AP1S3: variants seen among roughly 807,000 people sequenced by gnomAD.
AP1S3 encodes AP-1 complex subunit sigma-3.
AP1S3 carries 10 observed loss-of-function variants against 20.9 expected under a neutral mutation model. The observed-to-expected ratio is 0.48, with a 90% CI of 0.29 to 0.81. The LOEUF (loss-of-function observed/expected upper bound fraction) is 0.81. Ranked by LOEUF, AP1S3 falls within the 30% of genes least tolerant of loss-of-function variation. The pLI is 0.08. For synonymous variants in AP1S3, 41 were observed against 61.5 expected (o/e 0.67, Z 1.56); for missense variants, 154 against 183.8 (o/e 0.84, Z 0.94).
chr2:223,781,296 T>C (rs1690939383), intron 1 of AP1S3, among the ~76,000 whole-genome samples: 2 of 152,068 alleles, frequency 1.3e-5, no homozygotes, highest in African/African-American at 4.8e-5. Context: ...AATAATGATA[T>C]GAGGCCCAAG....
At chr2:223,778,436 T>G (rs1026918323) in intron 1 of AP1S3, among the ~76,000 whole-genome samples, 2 of 151,980 alleles carry the variant, frequency 1.3e-5, no homozygotes, top group African/African-American at 4.8e-5. Flanking sequence ...TTATTGTAAT[T>G]CTTTTTAAGT....
intron 1 of AP1S3, among the ~76,000 whole-genome samples, chr2:223,801,140 C>A (rs1034342159): frequency 6.6e-6 from 1 of 152,166 alleles, no homozygotes. Flanking sequence ...GTAGGGCATG[C>A]GTCAGACACC....
At chr2:223,828,058 TAAAAAAAAAAAAAAAA>T (rs527671959) in intron 1 of AP1S3, among the ~76,000 whole-genome samples, 13 of 94,666 alleles carry the variant, frequency 1.4e-4, no homozygotes, top group East Asian at 3.5e-4. Flanking sequence ...AGACTTCATC[TAAAAAAAAAAAAAAAA>T]AAAAAAAAAA....
Position 223,757,964 on chromosome 2 carries a change from C to T in AP1S3, c.*751G>A, listed in dbSNP as rs146155098. 5.6e-4 allele frequency: 544 copies of T among 963,726 alleles called. 1 individual carries two copies. The African/African-American group carries it at 8.8e-3, about 16-fold the overall frequency. The allele number at this position is 963,726 out of a possible 1,614,324, so 59.7% of individuals were successfully genotyped here. A position where few individuals can be genotyped will look rare whatever the true frequency, so the allele number is the denominator to read the frequency against. On this transcript the variant is annotated 3_prime_UTR_variant, in exon 5 of 5. Coordinates refer to ENST00000396654, the MANE Select transcript of AP1S3 (RefSeq NM_001039569.2). ...AGAATAATAAAGGAAGTCATAGATG[C>T]TGTATCTCTAGGTCTCTATAAACCT...
intron 4 of AP1S3, 138 bp downstream of exon 4, chr2:223,765,075 G>C (rs138301509): frequency 1.2e-4 from 144 of 1,247,602 alleles, no homozygotes; most frequent in Non-Finnish European, 1.4e-4. Context: ...GATTAAATAA[G>C]CTAATACATA....
In AP1S3 at chr2:223,758,287, T is replaced by A. The variant is rs1690272258; in HGVS notation, c.*428A>T. 2 of 975,860 alleles carry A rather than the reference T, an allele frequency of 2.0e-6. No homozygotes were observed. Among genetic ancestry groups the A allele is most frequent in the Admixed American group, 6.1e-5 (1 of 16,286 alleles). 60.5% of individuals were successfully genotyped at this position (975,860 alleles called of 1,614,324 possible). On this transcript the variant is annotated 3_prime_UTR_variant, in exon 5 of 5. Transcript: ENST00000396654. ...CATAATTTTGAATTATTATACAATT[T>A]AGAAAACTAAACATTTAGAAAAAGT...
intron 1 of AP1S3, among the ~76,000 whole-genome samples, chr2:223,784,823 A>C (rs12478673): frequency 0.05 from 7,628 of 152,178 alleles, 676 homozygotes; most frequent in East Asian, 0.44. Flanking sequence ...ACATAGGGAG[A>C]CTGCATCTCT....
chr2:223,818,690 T>C (rs1428352578), intron 1 of AP1S3, among the ~76,000 whole-genome samples: 1 of 152,048 alleles, frequency 6.6e-6, no homozygotes, highest in Admixed American at 6.5e-5. Context: ...CTAGCTGGGA[T>C]TACAGGCATG....
At chr2:223,827,465 C>T (rs554316706) in intron 1 of AP1S3, among the ~76,000 whole-genome samples, 29 of 152,236 alleles carry the variant, frequency 1.9e-4, no homozygotes, top group African/African-American at 7.0e-4. Context: ...TCACTGCAAC[C>T]TCCACCTCCT....
intron 1 of AP1S3, among the ~76,000 whole-genome samples, chr2:223,820,617 T>C (rs28378706): frequency 0.32 from 47,153 of 148,842 alleles, 7,935 homozygotes; most frequent in Middle Eastern, 0.42. Flanking sequence ...TATTACTTTA[T>C]TCATATTCTA....
rs778727644 is a variant in AP1S3 at position 223,837,435 on chromosome 2, C to T, written c.3+13G>A. 1 of 1,259,090 alleles carries T rather than the reference C, an allele frequency of 7.9e-7. No individual in the cohort carries two copies. Among genetic ancestry groups the T allele is most frequent in the Non-Finnish European group, 1.0e-6 (1 of 997,356 alleles). The allele number at this position is 1,259,090 out of a possible 1,614,324, so 78.0% of individuals were successfully genotyped here. On this transcript the variant is annotated intron_variant, in intron 1 of 4. Coordinates refer to ENST00000396654, the MANE Select transcript of AP1S3 (RefSeq NM_001039569.2). ...CCACCGCCTACCCGGGCCGGCGGTT[C>T]CCCCGCACTCACCATCGTGGCTGGG... is the stretch of plus-strand genomic sequence containing the variant.
chr2:223,801,319 A>G (rs189703642), intron 1 of AP1S3, among the ~76,000 whole-genome samples: 1 of 152,214 alleles, frequency 6.6e-6, no homozygotes, highest in Admixed American at 6.5e-5. Context: ...TTGATTCCAG[A>G]GCCCATTCTC....
At position 223,756,102 on chromosome 2, in the gene AP1S3, G is replaced by A; in HGVS notation, c.*2613C>T. 1.0e-6 allele frequency: 1 copy of A among 953,088 alleles called. No individual in the cohort carries two copies. The highest frequency in any genetic ancestry group is 1.2e-6 in the Non-Finnish European group (1 of 800,684). 59.0% of individuals were successfully genotyped at this position (953,088 alleles called of 1,614,324 possible). A position where few individuals can be genotyped will look rare whatever the true frequency, so the allele number is the denominator to read the frequency against. On this transcript the variant is annotated 3_prime_UTR_variant, in exon 5 of 5. Coordinates refer to ENST00000396654, the MANE Select transcript of AP1S3 (RefSeq NM_001039569.2). ...GCCTGTAATTCCAGCACTTTGGAAG[G>A]CCAAGGCGGGCGGATCACCTGAGGT...
chr2:223,785,847 T>G (rs921253697), intron 1 of AP1S3, among the ~76,000 whole-genome samples: 6 of 152,194 alleles, frequency 3.9e-5, no homozygotes, highest in African/African-American at 1.4e-4. Flanking sequence ...CATTATAAAT[T>G]TGTCCAAACT....
At chr2:223,811,796 T>A (rs1242282386) in intron 1 of AP1S3, among the ~76,000 whole-genome samples, 2 of 152,182 alleles carry the variant, frequency 1.3e-5, no homozygotes, top group East Asian at 3.8e-4. Flanking sequence ...TTAGGTATCC[T>A]ATAATTGTCT....
chr2:223,791,430 A>T (rs1229930848), intron 1 of AP1S3, among the ~76,000 whole-genome samples: 1 of 152,166 alleles, frequency 6.6e-6, no homozygotes, highest in African/African-American at 2.4e-5. Context: ...TGAAGACAAA[A>T]ACCACATGAT....
intron 1 of AP1S3, among the ~76,000 whole-genome samples, chr2:223,833,841 G>A (rs777409190): frequency 4.6e-5 from 7 of 152,140 alleles, no homozygotes; most frequent in South Asian, 2.1e-4. Flanking sequence ...GTTAAACTCC[G>A]GGACAGTGAT....
chr2:223,816,663 T>A (rs1183853232), intron 1 of AP1S3, among the ~76,000 whole-genome samples: 1 of 152,192 alleles, frequency 6.6e-6, no homozygotes, highest in Non-Finnish European at 1.5e-5. Context: ...CATGCCTCCA[T>A]CCTCCCTGCA....
chr2:223,772,563 G>A (rs1690658540), intron 3 of AP1S3, among the ~76,000 whole-genome samples: 1 of 152,154 alleles, frequency 6.6e-6, no homozygotes, highest in African/African-American at 2.4e-5. Context: ...CATTTCCTCT[G>A]AGCCTCTATA....
Sources: allele counts gnomAD v4.1 joint callset (sites outside exome capture counted in the v4.1 genomes callset), GRCh38; gene constraint gnomAD v4.1.1; transcripts MANE v1.5; gene names NCBI Gene and HGNC (gene_info 2026-07-23, HGNC 2026-07-21).